Variants in AMPH observed in about 807,000 individuals in gnomAD.
AMPH encodes the protein amphiphysin (Stiff-Mann syndrome with breast cancer 128kD autoantigen).
AMPH carries 49 observed loss-of-function variants against 99.1 expected under a neutral mutation model. The ratio of observed to expected loss-of-function variants is 0.49; its 90% confidence interval spans 0.39 to 0.63. The LOEUF is 0.63. Ranked by LOEUF, AMPH falls within the 20% of genes least tolerant of loss-of-function variation. The pLI is 0.00. For synonymous variants in AMPH, 314 were observed against 317.3 expected, an observed-to-expected ratio of 0.99 and a Z score of 0.11; for missense variants, 759 against 863.4, an observed-to-expected ratio of 0.88 and a Z score of 1.52.
chr7:38,387,787 A>C (rs1377923948), intron 20 of AMPH, among the ~76,000 whole-genome samples: 3 of 151,552 alleles, frequency 2.0e-5, no homozygotes, highest in African/African-American at 7.2e-5. Flanking sequence ...AAGACCATAA[A>C]AAAAAAAAAC....
chr7:38,410,404 C>A (rs1785179996), intron 17 of AMPH, among the ~76,000 whole-genome samples: 1 of 152,182 alleles, frequency 6.6e-6, no homozygotes, highest in African/African-American at 2.4e-5. Context: ...TGAGGAGGGG[C>A]AGGCAGCTGA....
At chr7:38,520,062 T>TTC (rs1042492118) in intron 2 of AMPH, among the ~76,000 whole-genome samples, 1 of 151,480 alleles carries the variant, frequency 6.6e-6, no homozygotes, top group African/African-American at 2.4e-5. Flanking sequence ...TCCTTTGCCT[T>TTC]TCTCTCTCTC....
chr7:38,502,820 A>G (rs1345167606), intron 3 of AMPH, among the ~76,000 whole-genome samples: 1 of 152,190 alleles, frequency 6.6e-6, no homozygotes, highest in African/African-American at 2.4e-5. Context: ...AGTCCAGTAC[A>G]ACAACATATT....
At chr7:38,535,435 T>C (rs527585740) in intron 1 of AMPH, among the ~76,000 whole-genome samples, 1 of 152,300 alleles carries the variant, frequency 6.6e-6, no homozygotes, top group African/African-American at 2.4e-5. Flanking sequence ...ATTCATCCAC[T>C]TCAGTGGTCC....
chr7:38,500,149 C>T (rs752442774), intron 3 of AMPH, among the ~76,000 whole-genome samples: 8 of 152,288 alleles, frequency 5.3e-5, no homozygotes, highest in Admixed American at 2.0e-4. Context: ...TCATTCTTCA[C>T]GAGGCTTTGA....
At chr7:38,532,391 C>T (rs1408683585) in intron 2 of AMPH, among the ~76,000 whole-genome samples, 3 of 152,096 alleles carry the variant, frequency 2.0e-5, no homozygotes, top group Admixed American at 6.5e-5. Flanking sequence ...AAATAACATT[C>T]CCTATATTAA....
At chr7:38,543,749 T>C (rs917992853) in intron 1 of AMPH, among the ~76,000 whole-genome samples, 14 of 152,316 alleles carry the variant, frequency 9.2e-5, no homozygotes, top group Admixed American at 9.1e-4. Context: ...TGATTTACCA[T>C]GATCTTTCTG....
intron 1 of AMPH, among the ~76,000 whole-genome samples, chr7:38,598,793 AT>A (rs1368899483): frequency 6.6e-6 from 1 of 151,932 alleles, no homozygotes; most frequent in African/African-American, 2.4e-5. Context: ...TAACTGATTA[AT>A]TTTTTGGTAT....
chr7:38,479,811 T>C (rs1788223585), intron 5 of AMPH, among the ~76,000 whole-genome samples: 3 of 152,040 alleles, frequency 2.0e-5, no homozygotes, highest in African/African-American at 7.2e-5. Flanking sequence ...GCCAATTAAA[T>C]AAATTGTTAT....
At chr7:38,590,354 G>T (rs1011507228) in intron 1 of AMPH, among the ~76,000 whole-genome samples, 16 of 152,218 alleles carry the variant, frequency 1.1e-4, no homozygotes, top group Non-Finnish European at 1.5e-5. Flanking sequence ...CAGATCTGGA[G>T]GGGTAGAAGT....
chr7:38,555,362 G>A (rs1791327317), intron 1 of AMPH, among the ~76,000 whole-genome samples: 1 of 152,064 alleles, frequency 6.6e-6, no homozygotes, highest in African/African-American at 2.4e-5. Flanking sequence ...CTATGATCAT[G>A]CCACTATACT....
chr7:38,407,076 ATGTGTGTGTGTG>A (rs70975098), intron 17 of AMPH, among the ~76,000 whole-genome samples: 2,585 of 19,368 alleles, frequency 0.13, 292 homozygotes, highest in East Asian at 0.18. Context: ...ATATATATAT[ATGTGTGTGTGTG>A]TGTGTGTGTG....
intron 7 of AMPH, among the ~76,000 whole-genome samples, chr7:38,470,601 T>C (rs1787847352): frequency 6.6e-6 from 1 of 152,156 alleles, no homozygotes; most frequent in African/African-American, 2.4e-5. Context: ...CATAAAATAT[T>C]AGTGCTCTCA....
At chr7:38,627,679 GGAAA>G (rs1794307265) in intron 1 of AMPH, among the ~76,000 whole-genome samples, 1 of 141,774 alleles carries the variant, frequency 7.1e-6, no homozygotes, top group South Asian at 2.2e-4. Flanking sequence ...AAAAGCTAAA[GGAAA>G]GATATGGTCT....
chr7:38,500,679 A>T (rs954464231), intron 3 of AMPH, among the ~76,000 whole-genome samples: 2 of 152,220 alleles, frequency 1.3e-5, no homozygotes, highest in East Asian at 3.8e-4. Context: ...ACCCAGAAAA[A>T]GTCCTGTGCT....
At chr7:38,422,553 C>CATAT (rs1562742723) in intron 15 of AMPH, 76 bp from the exon 16 acceptor site, 34 of 912,278 alleles carry the variant, frequency 3.7e-5, no homozygotes, top group African/African-American at 1.2e-4. Context: ...TGTCTGCCTA[C>CATAT]GTATCTATCT....
At chr7:38,625,121 C>T (rs562676197) in intron 1 of AMPH, among the ~76,000 whole-genome samples, 13 of 152,128 alleles carry the variant, frequency 8.5e-5, no homozygotes, top group South Asian at 6.2e-4. Context: ...TTTGAAAGCC[C>T]GGGAATATAG....
intron 11 of AMPH, among the ~76,000 whole-genome samples, chr7:38,450,676 G>A (rs1456991436): frequency 6.6e-6 from 1 of 152,148 alleles, no homozygotes; most frequent in Admixed American, 6.6e-5. Flanking sequence ...TGGTGAGACT[G>A]TTCTTTTTGG....
At chr7:38,591,730 G>A (rs1792864673) in intron 1 of AMPH, among the ~76,000 whole-genome samples, 1 of 152,186 alleles carries the variant, frequency 6.6e-6, no homozygotes, top group Non-Finnish European at 1.5e-5. Flanking sequence ...CAAGCCTACA[G>A]CTGTCCTCAG....
Sources: allele counts gnomAD v4.1 joint callset (sites outside exome capture counted in the v4.1 genomes callset), GRCh38; gene constraint gnomAD v4.1.1; transcripts MANE v1.5; gene names NCBI Gene and HGNC (gene_info 2026-07-23, HGNC 2026-07-21).